The following PTK2 variants were observed in gnomAD, a reference collection of about 807,000 sequenced individuals.
The protein encoded by PTK2 is protein tyrosine kinase 2, also known as focal adhesion kinase 1.
Under a neutral mutation model 150.1 loss-of-function variants are expected in PTK2, and 45 were observed. That is an observed-to-expected ratio of 0.30 (90% CI 0.24 to 0.38). PTK2 has a LOEUF of 0.38. PTK2 is among the 10% of genes least tolerant of loss of function. The pLI is 1.00. For synonymous variants in PTK2, 432 were observed against 449.2 expected, an observed-to-expected ratio of 0.96 and a Z score of 0.48; for missense variants, 919 against 1,307.3, an observed-to-expected ratio of 0.70 and a Z score of 4.58.
chr8:140,734,668 G>A (rs2100051533), intron 22 of PTK2: 1 of 496,176 alleles, frequency 2.0e-6, no homozygotes, highest in South Asian at 1.5e-5. Flanking sequence ...AACAAGCAAT[G>A]GATGTTTTAA....
intron 2 of PTK2, among the ~76,000 whole-genome samples, chr8:140,911,742 T>C (rs2100163275): frequency 6.6e-6 from 1 of 152,184 alleles, no homozygotes; most frequent in African/African-American, 2.4e-5. Context: ...CACTATAATG[T>C]TTTTCTTAAA....
At chr8:140,742,959 GT>G (rs563966579) in intron 20 of PTK2, among the ~76,000 whole-genome samples, 1 of 152,066 alleles carries the variant, frequency 6.6e-6, no homozygotes, top group Non-Finnish European at 1.5e-5. Flanking sequence ...ATTTACTCGT[GT>G]TTTTTTCTAA....
chr8:140,910,139 A>G (rs2100162539), intron 2 of PTK2, among the ~76,000 whole-genome samples: 1 of 152,238 alleles, frequency 6.6e-6, no homozygotes, highest in African/African-American at 2.4e-5. Flanking sequence ...TTTACAAAAC[A>G]GTAAGATTTT....
At position 140,845,701 on chromosome 8, in the gene PTK2, C is replaced by CTCAG. The variant is rs369417920; in HGVS notation, c.593+555_593+558dup. Reference sequence around the variant, plus strand: ...ATCTCTGGCACTTAGCTACAAAGGACTCAGTGTTCAGTTATCTTTTGCTGA... The same window carrying CTCAG: ...ATCTCTGGCACTTAGCTACAAAGGACTCAGTCAGTGTTCAGTTATCTTTTGCTGA... On this transcript the variant is annotated intron_variant, in intron 7 of 31. Coordinates refer to ENST00000522684, the Ensembl canonical transcript of PTK2. Among the ~76,000 whole-genome samples the CTCAG allele has an allele frequency of 1.4e-3, 215 of 152,240 alleles. 1 individual carries two copies. Among genetic ancestry groups the CTCAG allele is most frequent in the African/African-American group, 5.0e-3 (209 of 41,542 alleles).
intron 22 of PTK2, chr8:140,718,407 T>C (rs1182038517): frequency 1.3e-5 from 2 of 152,208 alleles, no homozygotes; most frequent in African/African-American, 2.4e-5. Context: ...TCTTGGCTGT[T>C]TGCCATCACA....
At chr8:140,925,604 G>A in intron 2 of PTK2, 57 bp downstream of exon 2, 1 of 951,610 alleles carries the variant, frequency 1.1e-6, no homozygotes, top group Non-Finnish European at 1.3e-6. Context: ...AGTTCCAAAA[G>A]GTGACAGTAC....
At chr8:140,844,005 C>T (rs1410194628) in intron 7 of PTK2, among the ~76,000 whole-genome samples, 3 of 152,188 alleles carry the variant, frequency 2.0e-5, no homozygotes, top group South Asian at 2.1e-4. Flanking sequence ...CTGACTTCCA[C>T]TGTTTCCTTC....
intron 12 of PTK2, among the ~76,000 whole-genome samples, chr8:140,796,696 C>G (rs1274139311): frequency 6.6e-6 from 1 of 152,136 alleles, no homozygotes; most frequent in Admixed American, 6.5e-5. Flanking sequence ...CAGACACCAT[C>G]AGTAGAAGCA....
intron 29 of PTK2, among the ~76,000 whole-genome samples, chr8:140,671,759 CAAA>C (rs35706231): frequency 0.049 from 4,574 of 94,196 alleles, 278 homozygotes; most frequent in African/African-American, 0.16. Flanking sequence ...TAAAAATACC[CAAA>C]AAAAAAAAAA....
At chr8:140,711,145 C>T (rs773487045) in intron 23 of PTK2, among the ~76,000 whole-genome samples, 6 of 152,270 alleles carry the variant, frequency 3.9e-5, no homozygotes, top group East Asian at 1.9e-4. Flanking sequence ...CTTGTTCTGT[C>T]GCCCAGGCTA....
At chr8:140,902,933 T>TTTTTTG (rs1568514428) in intron 2 of PTK2, among the ~76,000 whole-genome samples, 10 of 108,776 alleles carry the variant, frequency 9.2e-5, no homozygotes, top group African/African-American at 2.7e-4. Context: ...TGTTTTTTTT[T>TTTTTTG]TTTTTTTTTT....
At chr8:140,658,498 G>A (rs2075341490) in exon 32 of PTK2, 1 of 191,026 alleles carries the variant, frequency 5.2e-6, no homozygotes, top group African/African-American at 2.3e-5. Flanking sequence ...CTAAAGGGAG[G>A]GTATATTTTT....
chr8:140,760,393 G>T (rs1198576063), intron 16 of PTK2, among the ~76,000 whole-genome samples: 3 of 152,100 alleles, frequency 2.0e-5, no homozygotes, highest in Non-Finnish European at 4.4e-5. Context: ...AGTATTATTT[G>T]GCAATAAAAA....
chr8:140,766,505 T>C (rs1396377637), intron 14 of PTK2, among the ~76,000 whole-genome samples: 1 of 152,200 alleles, frequency 6.6e-6, no homozygotes, highest in Non-Finnish European at 1.5e-5. Flanking sequence ...CCTGATATAA[T>C]TTTGTTTCCT....
intron 10 of PTK2, among the ~76,000 whole-genome samples, chr8:140,805,838 A>G (rs886553406): frequency 1.3e-5 from 2 of 152,180 alleles, no homozygotes; most frequent in Non-Finnish European, 2.9e-5. Context: ...AAGCCAGATC[A>G]TATCACTCCT....
chr8:140,698,368 G>A (rs1002411735), intron 26 of PTK2, among the ~76,000 whole-genome samples: 1 of 152,336 alleles, frequency 6.6e-6, no homozygotes, highest in African/African-American at 2.4e-5. Context: ...GGTTTAAAAT[G>A]TAGGACTAGA....
intron 1 of PTK2, among the ~76,000 whole-genome samples, chr8:140,977,946 T>C (rs1384146899): frequency 6.6e-6 from 1 of 152,118 alleles, no homozygotes; most frequent in Non-Finnish European, 1.5e-5. Context: ...TCAGAAATAA[T>C]GCCGCATGCA....
chr8:140,804,694 G>A (rs1052847960), intron 10 of PTK2, among the ~76,000 whole-genome samples: 4 of 152,186 alleles, frequency 2.6e-5, no homozygotes, highest in Non-Finnish European at 5.9e-5. Context: ...ATTGCATGGC[G>A]AACAGATGAT....
rs923645266 is a variant in PTK2, at chr8:140,842,339, T to C, written c.593+3921A>G. 1.1e-4 allele frequency among the ~76,000 whole-genome samples: 17 copies of C among 152,056 alleles called. 1 individual carries two copies. Among genetic ancestry groups the C allele is most frequent in the Admixed American group, 9.8e-4 (15 of 15,270 alleles). ...AATAACATTGTTTTCTATTTTTTTT[T>C]CTTAATGCTCTTTAAAGAAACTCTA... On this transcript the variant is annotated intron_variant, in intron 7 of 31. Transcript: ENST00000522684.
Sources: allele counts gnomAD v4.1 joint callset (sites outside exome capture counted in the v4.1 genomes callset), GRCh38; gene constraint gnomAD v4.1.1; transcripts MANE v1.5; gene names NCBI Gene and HGNC (gene_info 2026-07-23, HGNC 2026-07-21).